Variants in CLIC6 observed in about 807,000 individuals in gnomAD.
The protein encoded by CLIC6 is chloride intracellular channel protein 6.
CLIC6 carries 39 observed loss-of-function variants against 49.2 expected under a neutral mutation model. The observed-to-expected ratio is 0.79, with a 90% CI of 0.61 to 1.04. The LOEUF is 1.04. Ranked by LOEUF, CLIC6 falls within the 50% of genes least tolerant of loss-of-function variation. The pLI is 0.00. For missense variants in CLIC6, 988 were observed against 993.1 expected, an observed-to-expected ratio of 0.99 and a Z score of 0.07; for synonymous variants, 446 against 433.4, an observed-to-expected ratio of 1.03 and a Z score of -0.36.
At chr21:34,715,166 C>T (rs1288536026) in intron 5 of CLIC6, among the ~76,000 whole-genome samples, 1 of 152,214 alleles carries the variant, frequency 6.6e-6, no homozygotes, top group Non-Finnish European at 1.5e-5. Flanking sequence ...GGACAGGAGG[C>T]AGCAAAGCCC....
intron 4 of CLIC6, among the ~76,000 whole-genome samples, chr21:34,709,015 T>G (rs1473494869): frequency 3.9e-5 from 6 of 152,176 alleles, no homozygotes; most frequent in Non-Finnish European, 8.8e-5. Flanking sequence ...GAAAACAACA[T>G]TTTTAGGGAA....
At chr21:34,698,769 G>A (rs765862681) in intron 1 of CLIC6, among the ~76,000 whole-genome samples, 7 of 152,222 alleles carry the variant, frequency 4.6e-5, no homozygotes, top group Non-Finnish European at 7.3e-5. Context: ...ATTCCAATTT[G>A]CATTTTAATA....
chr21:34,675,602 G>C (rs998560450), intron 1 of CLIC6, among the ~76,000 whole-genome samples: 1 of 152,112 alleles, frequency 6.6e-6, no homozygotes, highest in Non-Finnish European at 1.5e-5. Flanking sequence ...GGGTTACTTG[G>C]GGGTGGAAAC....
At chr21:34,712,875 TA>T (rs2056065840) in intron 5 of CLIC6, among the ~76,000 whole-genome samples, 1 of 152,046 alleles carries the variant, frequency 6.6e-6, no homozygotes, top group African/African-American at 2.4e-5. Context: ...ACCCTAACCC[TA>T]ACCCTAACCC....
At chr21:34,692,028 T>G (rs1990004654) in intron 1 of CLIC6, among the ~76,000 whole-genome samples, 1 of 152,230 alleles carries the variant, frequency 6.6e-6, no homozygotes. Flanking sequence ...ATGGTAACAA[T>G]GACCAGCTGT....
intron 1 of CLIC6, among the ~76,000 whole-genome samples, chr21:34,673,864 T>C (rs1201942511): frequency 6.6e-6 from 1 of 152,194 alleles, no homozygotes; most frequent in Non-Finnish European, 1.5e-5. Flanking sequence ...TCTAGGCTCC[T>C]TTTTTGGGCT....
intron 1 of CLIC6, among the ~76,000 whole-genome samples, chr21:34,679,745 G>T (rs1015046104): frequency 1.3e-5 from 2 of 152,206 alleles, no homozygotes; most frequent in Non-Finnish European, 2.9e-5. Flanking sequence ...ATTCCACAGG[G>T]CAGTCATTAA....
chr21:34,698,484 A>G (rs935327125), intron 1 of CLIC6, among the ~76,000 whole-genome samples: 4 of 151,550 alleles, frequency 2.6e-5, no homozygotes, highest in Admixed American at 2.0e-4. Context: ...AGAAAGACAG[A>G]AGGGAGGAAG....
chr21:34,708,674 G>A, intron 3 of CLIC6, 26 bp from the exon 4 acceptor site: 1 of 1,488,696 alleles, frequency 6.7e-7, no homozygotes, highest in Non-Finnish European at 9.4e-7. Flanking sequence ...ACTTGTCTGT[G>A]ATCCTCCAAT....
At chr21:34,686,131 C>T (rs1192097615) in intron 1 of CLIC6, among the ~76,000 whole-genome samples, 1 of 152,292 alleles carries the variant, frequency 6.6e-6, no homozygotes. Flanking sequence ...TGGCCGGGCA[C>T]GGTGGCTCAC....
chr21:34,671,350 AG>A (rs1429878609), intron 1 of CLIC6, among the ~76,000 whole-genome samples: 1 of 152,140 alleles, frequency 6.6e-6, no homozygotes, highest in Non-Finnish European at 1.5e-5. Flanking sequence ...ATGTACGTTT[AG>A]GGGGGAATGG....
intron 1 of CLIC6, chr21:34,706,151 G>T: frequency 1.6e-6 from 1 of 608,910 alleles, no homozygotes; most frequent in South Asian, 2.2e-5. Context: ...GCATGGTGCT[G>T]GCATCTGCTC....
At position 34,670,024 on chromosome 21, in the gene CLIC6, C is replaced by T; in HGVS notation, c.636C>T (p.Ala212=). Residue 212 remains alanine (A), a synonymous_variant, in exon 1 of 6, where the codon GCC becomes GCT. Coordinates refer to ENST00000349499, the MANE Select transcript of CLIC6 (RefSeq NM_053277.3). ...AEGPLGDNIQ[A]EGPAGDSVDA... is the part of the protein sequence containing the mutation. Reference sequence around the variant, plus strand: ...GCCCGCTGGGGGACAACATACAAGCCGAGGGCCCGGCGGGGGACAGCGTAG... The same window carrying T: ...GCCCGCTGGGGGACAACATACAAGCTGAGGGCCCGGCGGGGGACAGCGTAG... The T allele has an allele frequency of 8.2e-7, 1 of 1,212,800 alleles. No homozygotes were observed. The highest frequency in any genetic ancestry group is 2.0e-5 in the South Asian group (1 of 48,874). 75.1% of individuals were successfully genotyped at this position (1,212,800 alleles called of 1,614,324 possible). A position where few individuals can be genotyped will look rare whatever the true frequency, so the allele number is the denominator to read the frequency against.
chr21:34,705,906 A>G, intron 1 of CLIC6: 1 of 480,272 alleles, frequency 2.1e-6, no homozygotes, highest in Non-Finnish European at 3.7e-6. Flanking sequence ...CTGGCATTGT[A>G]TCACTTTGGA....
At chr21:34,709,582 G>T in intron 5 of CLIC6, 44 bp downstream of exon 5, 4 of 1,554,050 alleles carry the variant, frequency 2.6e-6, no homozygotes, top group African/African-American at 1.4e-5. Context: ...CACGAACGGG[G>T]CTTTGTTTTA....
At chr21:34,685,669 C>T (rs1989863311) in intron 1 of CLIC6, among the ~76,000 whole-genome samples, 1 of 152,210 alleles carries the variant, frequency 6.6e-6, no homozygotes, top group Non-Finnish European at 1.5e-5. Flanking sequence ...ACAGAGAATC[C>T]AGTGCTTAAA....
At chr21:34,688,313 G>C (rs530684926) in intron 1 of CLIC6, among the ~76,000 whole-genome samples, 1 of 152,300 alleles carries the variant, frequency 6.6e-6, no homozygotes, top group Admixed American at 6.5e-5. Context: ...TATTTCTGCT[G>C]CTGGGTTTTG....
At chr21:34,670,856 T>G (rs1989550148) in intron 1 of CLIC6, 94 bp downstream of exon 1, 2 of 1,360,268 alleles carry the variant, frequency 1.5e-6, no homozygotes, top group Admixed American at 4.9e-5. Flanking sequence ...GGAGGAACCC[T>G]TGGTGGTATC....
At chr21:34,674,362 G>C (rs1038868532) in intron 1 of CLIC6, among the ~76,000 whole-genome samples, 2 of 152,172 alleles carry the variant, frequency 1.3e-5, no homozygotes, top group African/African-American at 4.8e-5. Flanking sequence ...AAAGTGCTGG[G>C]ATTATAGGCA....
Sources: gnomAD v4.1 joint callset for allele counts (sites outside exome capture counted in the v4.1 genomes callset) on GRCh38, gnomAD v4.1.1 for gene constraint, MANE v1.5 for transcripts, NCBI Gene and HGNC (gene_info 2026-07-23, HGNC 2026-07-21) for gene names.